Variants in INPP4A observed in about 807,000 individuals in gnomAD.
The protein encoded by INPP4A is inositol polyphosphate-4-phosphatase, type I, 107kD.
INPP4A carries 33 observed loss-of-function variants against 119.8 expected under a neutral mutation model. The ratio of observed to expected loss-of-function variants is 0.28; its 90% CI spans 0.21 to 0.37. The LOEUF (loss-of-function observed/expected upper bound fraction) is 0.37, where lower values mean the gene tolerates loss of function less well. Among genes scored for constraint, INPP4A ranks in the 10% least tolerant of loss-of-function variants. INPP4A has a pLI of 1.00. For synonymous variants in INPP4A, 496 were observed against 500.7 expected (o/e 0.99, Z 0.12); for missense variants, 956 against 1,289.9 (o/e 0.74, Z 3.97).
chr2:98,582,466 C>T (rs1216266728), intron 24 of INPP4A, among the ~76,000 whole-genome samples: 4 of 152,116 alleles, frequency 2.6e-5, no homozygotes, highest in Non-Finnish European at 5.9e-5. Flanking sequence ...AGATCACCTA[C>T]TGCATACGCC....
intron 24 of INPP4A, among the ~76,000 whole-genome samples, chr2:98,578,098 T>C (rs942671668): frequency 3.3e-5 from 5 of 152,240 alleles, no homozygotes; most frequent in East Asian, 1.9e-4. Flanking sequence ...GTTTTGTCTT[T>C]CCAAGTTCAT....
At chr2:98,567,274 G>A (rs192858906) in intron 21 of INPP4A, among the ~76,000 whole-genome samples, 94 of 152,248 alleles carry the variant, frequency 6.2e-4, no homozygotes, top group Non-Finnish European at 9.4e-4. Flanking sequence ...GTGGTCAGTG[G>A]AAGGGTTTGG....
At chr2:98,484,827 A>G (rs976032256) in intron 1 of INPP4A, among the ~76,000 whole-genome samples, 4 of 152,054 alleles carry the variant, frequency 2.6e-5, no homozygotes, top group African/African-American at 4.8e-5. Context: ...TTCCATTTCA[A>G]ATGTCTATAT....
At chr2:98,500,493 G>T (rs964199593) in intron 1 of INPP4A, among the ~76,000 whole-genome samples, 1 of 152,192 alleles carries the variant, frequency 6.6e-6, no homozygotes, top group Non-Finnish European at 1.5e-5. Context: ...AATAAAGGAA[G>T]ACTTTATCCA....
chr2:98,559,752 G>A (rs368004412), intron 17 of INPP4A, among the ~76,000 whole-genome samples: 8 of 152,308 alleles, frequency 5.3e-5, no homozygotes, highest in Middle Eastern at 6.8e-3. Context: ...ACAGATGAGC[G>A]TGTTGGGCTT....
chr2:98,470,828 C>G (rs1051821357), intron 1 of INPP4A, among the ~76,000 whole-genome samples: 1 of 152,000 alleles, frequency 6.6e-6, no homozygotes, highest in Non-Finnish European at 1.5e-5. Context: ...CCACCACGCC[C>G]GGCTAATTTT....
intron 22 of INPP4A, among the ~76,000 whole-genome samples, chr2:98,571,244 C>T (rs1480952753): frequency 6.6e-6 from 1 of 152,202 alleles, no homozygotes; most frequent in Non-Finnish European, 1.5e-5. Context: ...AAATGGGCAC[C>T]GGTTTCACAC....
rs1687013608 is a variant in INPP4A at position 98,520,669 on chromosome 2, CA to C, written c.107-17del. ...AGTTTATTAAGGATGATTTTTCTGT[CA>C]TTTCTTTTCTATTCAGGAAATATAC... is the stretch of plus-strand genomic sequence containing the variant. On this transcript the variant is annotated splice_polypyrimidine_tract_variant and intron_variant, in intron 3 of 24. Coordinates refer to ENST00000409851, the MANE Select transcript of INPP4A (RefSeq NM_001134225.2). The C allele has an allele frequency of 6.9e-7, 1 of 1,455,512 alleles. No individual in the cohort carries two copies. The highest frequency in any genetic ancestry group is 1.3e-5 in the South Asian group (1 of 77,004). 90.2% of individuals were successfully genotyped at this position (1,455,512 alleles called of 1,614,324 possible). A position where few individuals can be genotyped will look rare whatever the true frequency, so the allele number is the denominator to read the frequency against.
At position 98,444,872 on chromosome 2, in the gene INPP4A, C is replaced by G. The variant is rs1387739937; in HGVS notation, c.-379C>G. 1 of 152,014 alleles carries G rather than the reference C, an allele frequency of 6.6e-6. No homozygotes were observed. Among genetic ancestry groups the G allele is most frequent in the Non-Finnish European group, 1.5e-5 (1 of 68,212 alleles). The allele number at this position is 152,014 out of a possible 1,614,324, so 9.4% of individuals were successfully genotyped here. ...CTGCGCCCGGCGTCTAGAGCGGCGG[C>G]GGCTGGCTAGGGCTGCGGCGCGCGT... On this transcript the variant is annotated 5_prime_UTR_variant, in exon 1 of 25. Coordinates refer to ENST00000409851, the MANE Select transcript of INPP4A (RefSeq NM_001134225.2).
chr2:98,502,506 G>C (rs989512954), intron 1 of INPP4A, among the ~76,000 whole-genome samples: 1 of 151,960 alleles, frequency 6.6e-6, no homozygotes, highest in Admixed American at 6.6e-5. Context: ...TCTTGGTGGT[G>C]GTAATTTTAC....
chr2:98,545,555 G>T (rs1034075739), intron 11 of INPP4A, among the ~76,000 whole-genome samples: 7 of 152,184 alleles, frequency 4.6e-5, no homozygotes, highest in African/African-American at 1.7e-4. Flanking sequence ...CTTTGATGAT[G>T]GCGGTCTCTG....
intron 1 of INPP4A, among the ~76,000 whole-genome samples, chr2:98,493,568 G>T (rs1439979109): frequency 6.6e-6 from 1 of 150,994 alleles, no homozygotes; most frequent in Non-Finnish European, 1.5e-5. Flanking sequence ...GCTAATTTTT[G>T]TATTTTTTTG....
intron 1 of INPP4A, among the ~76,000 whole-genome samples, chr2:98,458,151 G>A (rs1305224863): frequency 6.6e-6 from 1 of 151,972 alleles, no homozygotes; most frequent in Non-Finnish European, 1.5e-5. Context: ...TTGAGCCTGG[G>A]CAAAATAGTG....
chr2:98,500,312 T>C (rs1029143540), intron 1 of INPP4A, among the ~76,000 whole-genome samples: 3 of 152,108 alleles, frequency 2.0e-5, no homozygotes, highest in African/African-American at 7.2e-5. Context: ...GTCTGTTTGA[T>C]GATCCGCCAC....
intron 1 of INPP4A, among the ~76,000 whole-genome samples, chr2:98,454,926 C>A (rs1457172931): frequency 6.6e-6 from 1 of 152,160 alleles, no homozygotes; most frequent in African/African-American, 2.4e-5. Flanking sequence ...ATTCATTCTT[C>A]GTGCTCTGTG....
At chr2:98,552,744 G>C in intron 13 of INPP4A, 42 bp from the exon 14 acceptor site, 1 of 1,506,768 alleles carries the variant, frequency 6.6e-7, no homozygotes, top group Non-Finnish European at 9.2e-7. Flanking sequence ...ATCCTTTTCA[G>C]ATTCTGGAGA....
At chr2:98,502,273 A>G (rs1025957184) in intron 1 of INPP4A, among the ~76,000 whole-genome samples, 1 of 152,058 alleles carries the variant, frequency 6.6e-6, no homozygotes, top group Non-Finnish European at 1.5e-5. Context: ...GTACAGAGGC[A>G]GGGCTTGAAG....
chr2:98,529,187 A>G (rs1688739727), intron 4 of INPP4A, among the ~76,000 whole-genome samples: 1 of 152,208 alleles, frequency 6.6e-6, no homozygotes, highest in South Asian at 2.1e-4. Flanking sequence ...GGAACGAAGT[A>G]CAGATATTTG....
intron 1 of INPP4A, among the ~76,000 whole-genome samples, chr2:98,502,435 G>GA (rs1683299294): frequency 6.6e-6 from 1 of 152,078 alleles, no homozygotes; most frequent in African/African-American, 2.4e-5. Context: ...CAGCTACCAA[G>GA]AGTGTTTTAA....
Sources: gnomAD v4.1 joint callset for allele counts (sites outside exome capture counted in the v4.1 genomes callset) on GRCh38, gnomAD v4.1.1 for gene constraint, MANE v1.5 for transcripts, NCBI Gene and HGNC (gene_info 2026-07-23, HGNC 2026-07-21) for gene names.